Variants in VGLL4 observed in about 807,000 individuals in gnomAD.
The protein encoded by VGLL4 is transcription cofactor vestigial-like protein 4.
A neutral mutation model predicts 21.0 loss-of-function variants in VGLL4; 7 were observed. The observed-to-expected ratio is 0.33, with a 90% CI of 0.19 to 0.63. The LOEUF is 0.63. VGLL4 is among the 20% of genes least tolerant of loss of function. VGLL4 has a pLI of 0.78. For synonymous variants in VGLL4, 222 were observed against 173.2 expected, an observed-to-expected ratio of 1.28 and a Z score of -2.21; for missense variants, 394 against 425.7, an observed-to-expected ratio of 0.93 and a Z score of 0.66.
intron 2 of VGLL4, among the ~76,000 whole-genome samples, chr3:11,593,982 G>A (rs963350061): frequency 2.6e-5 from 4 of 152,208 alleles, no homozygotes; most frequent in East Asian, 1.9e-4. Flanking sequence ...TCTGTGGCCG[G>A]GGGCAAATAC....
intron 2 of VGLL4, among the ~76,000 whole-genome samples, chr3:11,656,786 G>C (rs1164010361): frequency 6.6e-6 from 1 of 152,184 alleles, no homozygotes; most frequent in Non-Finnish European, 1.5e-5. Flanking sequence ...TTTCTAGCCA[G>C]GCTCTGAGGA....
chr3:11,559,869 C>T (rs540181253), intron 3 of VGLL4, among the ~76,000 whole-genome samples: 15 of 152,266 alleles, frequency 9.9e-5, no homozygotes, highest in African/African-American at 3.4e-4. Flanking sequence ...TGGAGCCATC[C>T]AGGACACTTC....
Position 11,581,130 on chromosome 3 carries a change from G to A in VGLL4, c.273-16111C>T, listed in dbSNP as rs527940157. On this transcript the variant is annotated intron_variant, in intron 2 of 4. Coordinates refer to ENST00000430365, the MANE Select transcript of VGLL4 (RefSeq NM_001128219.3). ...CGCCCTGGCTGGCATGCAGTGGCAC[G>A]ATCTCAGCTCACTGCAACCTCTGCC... Among the ~76,000 whole-genome samples, 18 of 150,170 alleles carry A rather than the reference G, an allele frequency of 1.2e-4. No individual in the cohort carries two copies. In the East Asian group the frequency reaches 2.9e-3, roughly 24 times the overall value.
chr3:11,694,365 A>T lies in VGLL4; in HGVS notation c.64+8606T>A, dbSNP rs569130448. ...GTCAGGCGCGGTGGCTCATGCCTGTAATCCCAGCACTTTGGGAGGCCAAGG... is the reference window on the plus strand; with the variant it reads ...GTCAGGCGCGGTGGCTCATGCCTGTTATCCCAGCACTTTGGGAGGCCAAGG... On this transcript the variant is annotated intron_variant, in intron 2 of 5. Coordinates refer to the VGLL4 transcript ENST00000273038. Among the ~76,000 whole-genome samples the T allele has an allele frequency of 2.0e-5, 3 of 152,310 alleles. No individual in the cohort carries two copies. In the East Asian group the frequency reaches 5.8e-4, roughly 29 times the overall value.
chr3:11,602,654 G>A (rs764300402), intron 1 of VGLL4, among the ~76,000 whole-genome samples: 8 of 152,088 alleles, frequency 5.3e-5, no homozygotes, highest in Admixed American at 1.3e-4. Flanking sequence ...ATAACTTATC[G>A]CAAGCATAAT....
chr3:11,710,477 T>C (rs182147617), intron 1 of VGLL4: 1 of 152,312 alleles, frequency 6.6e-6, no homozygotes, highest in African/African-American at 2.4e-5. Context: ...CTTGTCTAGA[T>C]GTGGAGGCCA....
chr3:11,671,423 GTAGAA>G (rs747989487), intron 2 of VGLL4: 2 of 787,670 alleles, frequency 2.5e-6, no homozygotes, highest in African/African-American at 1.7e-5. Flanking sequence ...TAACAAAGAG[GTAGAA>G]AACACAGTTG....
intron 2 of VGLL4, among the ~76,000 whole-genome samples, chr3:11,599,061 C>A (rs1179331276): frequency 6.6e-6 from 1 of 152,152 alleles, no homozygotes; most frequent in Admixed American, 6.5e-5. Flanking sequence ...CAAACAGCAG[C>A]ACTAAATACC....
intron 2 of VGLL4, among the ~76,000 whole-genome samples, chr3:11,668,616 C>T (rs1411556269): frequency 6.6e-6 from 1 of 152,208 alleles, no homozygotes; most frequent in Non-Finnish European, 1.5e-5. Context: ...TCATCAGAAA[C>T]CTTCAATGGC....
intron 1 of VGLL4, among the ~76,000 whole-genome samples, chr3:11,704,521 G>A (rs960407129): frequency 2.0e-5 from 3 of 150,628 alleles, no homozygotes; most frequent in Non-Finnish European, 4.5e-5. Context: ...ACAAAGCCCA[G>A]TAGCTGCCTT....
At chr3:11,628,636 C>T (rs537781800) in intron 1 of VGLL4, among the ~76,000 whole-genome samples, 229 of 151,132 alleles carry the variant, frequency 1.5e-3, no homozygotes, top group African/African-American at 5.0e-3. Flanking sequence ...CTAGCTAACA[C>T]GGTGAAACCC....
At position 11,693,233 on chromosome 3, in the gene VGLL4, T is replaced by C. The variant is rs143873261; in HGVS notation, c.64+9738A>G. On this transcript the variant is annotated intron_variant, in intron 2 of 5. Transcript: ENST00000273038. ...ACAAAGTATTATCAAATAGAAATAG[T>C]ATTCCTTGGAATTTGTACATTATTA... The C allele has an allele frequency of 1.1e-3, 174 of 162,526 alleles. 2 individuals carry two copies. The highest frequency in any genetic ancestry group is 4.8e-4 in the Non-Finnish European group (34 of 71,576). 10.1% of individuals were successfully genotyped at this position (162,526 alleles called of 1,614,324 possible). A position where few individuals can be genotyped will look rare whatever the true frequency, so the allele number is the denominator to read the frequency against.
chr3:11,661,991 G>A (rs1397634420), intron 2 of VGLL4, among the ~76,000 whole-genome samples: 1 of 152,206 alleles, frequency 6.6e-6, no homozygotes, highest in African/African-American at 2.4e-5. Context: ...AATATATGGA[G>A]GACACATTCC....
chr3:11,690,785 C>A (rs953398493), intron 2 of VGLL4, among the ~76,000 whole-genome samples: 3 of 152,054 alleles, frequency 2.0e-5, no homozygotes, highest in Admixed American at 6.5e-5. Context: ...AAGGCAGTTA[C>A]AATAAATCTA....
intron 2 of VGLL4, among the ~76,000 whole-genome samples, chr3:11,700,617 T>C (rs1400523831): frequency 6.6e-6 from 1 of 151,928 alleles, no homozygotes; most frequent in African/African-American, 2.4e-5. Context: ...TCAGATCACA[T>C]AGAAAAATCA....
rs1206505773 is a variant in VGLL4, at chr3:11,588,786, G to A, written c.272+13047C>T. ...TTGGTGAAGTGCTGGAAGAACAATG[G>A]AGCAGCTGATGGCAATTCCAGTGAG... On this transcript the variant is annotated intron_variant, in intron 2 of 4. Coordinates refer to ENST00000430365, the MANE Select transcript of VGLL4 (RefSeq NM_001128219.3). Among the ~76,000 whole-genome samples the A allele has an allele frequency of 5.9e-5, 9 of 152,364 alleles. No individual in the cohort carries two copies. The East Asian group carries it at 1.2e-3, about 20-fold the overall frequency.
chr3:11,584,353 CAAAA>C (rs957911464), intron 2 of VGLL4, among the ~76,000 whole-genome samples: 1 of 149,636 alleles, frequency 6.7e-6, no homozygotes, highest in Admixed American at 6.8e-5. Context: ...AACAAACAAA[CAAAA>C]AAACACACAA....
intron 2 of VGLL4, among the ~76,000 whole-genome samples, chr3:11,677,627 A>G (rs2076310499): frequency 6.6e-6 from 1 of 152,140 alleles, no homozygotes; most frequent in Admixed American, 6.5e-5. Context: ...AAACTAGAAT[A>G]TACAAGTAAC....
intron 2 of VGLL4, among the ~76,000 whole-genome samples, chr3:11,684,901 G>C (rs2076424900): frequency 6.6e-6 from 1 of 151,992 alleles, no homozygotes; most frequent in Non-Finnish European, 1.5e-5. Context: ...TGTGTCACAG[G>C]GTTTGTAGTA....
Sources: gnomAD v4.1 joint callset for allele counts (sites outside exome capture counted in the v4.1 genomes callset) on GRCh38, gnomAD v4.1.1 for gene constraint, MANE v1.5 for transcripts, NCBI Gene and HGNC (gene_info 2026-07-23, HGNC 2026-07-21) for gene names.